The following PBX1 variants were observed in gnomAD, a reference collection of about 807,000 sequenced individuals.
The protein encoded by PBX1 is PBX homeobox 1.
Under a neutral mutation model 53.4 loss-of-function variants are expected in PBX1, and 6 were observed. That is an observed-to-expected ratio of 0.11 (90% confidence interval 0.06 to 0.22). The LOEUF is 0.22. Ranked by LOEUF, PBX1 falls within the 10% of genes least tolerant of loss-of-function variation. PBX1 has a pLI of 1.00. For missense variants in PBX1, 251 were observed against 551.4 expected, an observed-to-expected ratio of 0.46 and a Z score of 5.46; for synonymous variants, 204 against 212.3, an observed-to-expected ratio of 0.96 and a Z score of 0.34.
At chr1:164,856,021 A>C (rs573844221), downstream of PBX1, among the ~76,000 whole-genome samples, 3 of 152,178 alleles carry the variant, frequency 2.0e-5, no homozygotes, top group Admixed American at 1.3e-4. Flanking sequence ...CTAATCCTAG[A>C]TATGTTTATC....
chr1:164,874,648 C>A (rs1247963271), intron 2 of PBX1, among the ~76,000 whole-genome samples: 1 of 152,098 alleles, frequency 6.6e-6, no homozygotes, highest in East Asian at 1.9e-4. Flanking sequence ...CGTACGTCAC[C>A]ACGCCCAGCT....
intron 2 of PBX1, among the ~76,000 whole-genome samples, chr1:164,712,047 G>A (rs1312384907): frequency 6.7e-6 from 1 of 150,212 alleles, no homozygotes; most frequent in Non-Finnish European, 1.5e-5. Context: ...GAATCAGAAG[G>A]GTCCCATCTG....
intron 2 of PBX1, among the ~76,000 whole-genome samples, chr1:164,730,473 ATTAG>A (rs979465596): frequency 9.2e-5 from 14 of 152,174 alleles, no homozygotes; most frequent in African/African-American, 3.4e-4. Flanking sequence ...GCCTTATGAC[ATTAG>A]TTAGTTGTGT....
intron 2 of PBX1, among the ~76,000 whole-genome samples, chr1:164,590,749 T>TA (rs1655316076): frequency 6.6e-6 from 1 of 151,950 alleles, no homozygotes; most frequent in African/African-American, 2.4e-5. Context: ...GTAAACCAAA[T>TA]AAAGAGCAAA....
At chr1:164,664,216 C>T (rs1015033438) in intron 2 of PBX1, among the ~76,000 whole-genome samples, 1 of 152,188 alleles carries the variant, frequency 6.6e-6, no homozygotes, top group Non-Finnish European at 1.5e-5. Flanking sequence ...GAAGTCTTTC[C>T]TTCTCATTAT....
intron 2 of PBX1, among the ~76,000 whole-genome samples, chr1:164,624,209 TTA>T (rs1260630511): frequency 6.6e-6 from 1 of 152,260 alleles, no homozygotes; most frequent in East Asian, 1.9e-4. Context: ...GTTATTTTGA[TTA>T]TGTTATTCTT....
intron 2 of PBX1, among the ~76,000 whole-genome samples, chr1:164,792,079 C>T (rs1668543112): frequency 6.6e-6 from 1 of 152,100 alleles, no homozygotes; most frequent in Non-Finnish European, 1.5e-5. Flanking sequence ...CCCCACTCAG[C>T]CTCCCAAAGT....
At chr1:164,595,550 CT>C (rs1655696386) in intron 2 of PBX1, among the ~76,000 whole-genome samples, 1 of 151,484 alleles carries the variant, frequency 6.6e-6, no homozygotes, top group South Asian at 2.1e-4. Flanking sequence ...TTAATCCCCA[CT>C]TTTGGCATGA....
At chr1:164,786,341 G>C (rs1036748981) in intron 2 of PBX1, among the ~76,000 whole-genome samples, 1 of 152,176 alleles carries the variant, frequency 6.6e-6, no homozygotes, top group Non-Finnish European at 1.5e-5. Context: ...GATGCCCCAT[G>C]GCTGTGGTCT....
intron 2 of PBX1, among the ~76,000 whole-genome samples, chr1:164,761,734 C>T (rs886930966): frequency 6.6e-5 from 10 of 152,114 alleles, no homozygotes; most frequent in African/African-American, 1.9e-4. Flanking sequence ...TGAGCCACCG[C>T]GCCCGGCCCA....
At chr1:164,672,629 C>G (rs1409643421) in intron 2 of PBX1, among the ~76,000 whole-genome samples, 2 of 152,192 alleles carry the variant, frequency 1.3e-5, no homozygotes, top group East Asian at 3.8e-4. Context: ...CATTCTTGTA[C>G]TTGCTAAATT....
At chr1:164,752,638 A>T (rs548989067) in intron 2 of PBX1, among the ~76,000 whole-genome samples, 1 of 152,276 alleles carries the variant, frequency 6.6e-6, no homozygotes, top group East Asian at 1.9e-4. Context: ...CATAAACACT[A>T]TGAGGGCTTT....
chr1:164,877,558 G>A (rs111432632), intron 2 of PBX1, among the ~76,000 whole-genome samples: 1,892 of 152,156 alleles, frequency 0.012, 46 homozygotes, highest in African/African-American at 0.038. Context: ...AGCTACTCAG[G>A]AGGCTGAGGC....
chr1:164,878,946 G>A (rs1014101985), intron 2 of PBX1, among the ~76,000 whole-genome samples: 3 of 152,208 alleles, frequency 2.0e-5, no homozygotes, highest in Non-Finnish European at 2.9e-5. Flanking sequence ...TGGAAGCATA[G>A]GAGAAACTTA....
intron 2 of PBX1, among the ~76,000 whole-genome samples, chr1:164,767,280 C>T (rs572910733): frequency 1.7e-3 from 261 of 152,250 alleles, no homozygotes; most frequent in African/African-American, 6.1e-3. Flanking sequence ...TTAAGTATTT[C>T]AAGATGGCGT....
At chr1:164,714,381 A>G (rs1470714216) in intron 2 of PBX1, among the ~76,000 whole-genome samples, 1 of 152,254 alleles carries the variant, frequency 6.6e-6, no homozygotes, top group Non-Finnish European at 1.5e-5. Flanking sequence ...GAGTTACATT[A>G]TCGTTGGAAC....
At chr1:164,806,792 A>G (rs1669375519) in intron 4 of PBX1, among the ~76,000 whole-genome samples, 2 of 152,174 alleles carry the variant, frequency 1.3e-5, no homozygotes, top group South Asian at 2.1e-4. Context: ...CCTGGTAGGA[A>G]GAAAGACCAA....
intron 2 of PBX1, among the ~76,000 whole-genome samples, chr1:164,864,567 A>C (rs1672172706): frequency 6.6e-6 from 1 of 152,142 alleles, no homozygotes; most frequent in Non-Finnish European, 1.5e-5. Context: ...ATAGGTAATG[A>C]TACCTATAAA....
At chr1:164,806,653 C>A (rs972694098) in intron 4 of PBX1, among the ~76,000 whole-genome samples, 1 of 152,170 alleles carries the variant, frequency 6.6e-6, no homozygotes, top group Non-Finnish European at 1.5e-5. Context: ...TGTTACATAC[C>A]AGCCAAGTGA....
Sources: allele counts gnomAD v4.1 joint callset (sites outside exome capture counted in the v4.1 genomes callset), GRCh38; gene constraint gnomAD v4.1.1; transcripts MANE v1.5; gene names NCBI Gene and HGNC (gene_info 2026-07-23, HGNC 2026-07-21).